The following CBLB variants were observed in gnomAD, a reference collection of about 807,000 sequenced individuals.
CBLB encodes the protein Cbl proto-oncogene B, also known as E3 ubiquitin-protein ligase CBL-B.
A neutral mutation model predicts 104.9 loss-of-function variants in CBLB; 31 were observed. The ratio of observed to expected loss-of-function variants is 0.30; its 90% CI spans 0.22 to 0.40. The LOEUF is 0.40. CBLB is among the 10% of genes least tolerant of loss of function. The pLI, the probability that CBLB is intolerant of heterozygous loss-of-function variation, is 1.00. For missense variants in CBLB, 1,062 were observed against 1,214.6 expected (o/e 0.87, Z 1.87); for synonymous variants, 440 against 422.6 (o/e 1.04, Z -0.51).
intron 18 of CBLB, among the ~76,000 whole-genome samples, chr3:105,668,057 T>C (rs1576170293): frequency 6.6e-6 from 1 of 152,186 alleles, no homozygotes. Context: ...CAAACATATG[T>C]TGGAAAAAAG....
intron 9 of CBLB, among the ~76,000 whole-genome samples, chr3:105,729,524 A>G (rs1262613777): frequency 6.6e-6 from 1 of 152,120 alleles, no homozygotes; most frequent in African/African-American, 2.4e-5. Context: ...TCTTTAAGGT[A>G]CCATTTTTGA....
chr3:105,754,157 G>C (rs969702516), intron 4 of CBLB, among the ~76,000 whole-genome samples: 25 of 151,964 alleles, frequency 1.6e-4, no homozygotes, highest in African/African-American at 6.0e-4. Flanking sequence ...GAGGTAGGGG[G>C]AAGGGGATTT....
chr3:105,805,675 T>C (rs147715636), intron 3 of CBLB, among the ~76,000 whole-genome samples: 4 of 152,280 alleles, frequency 2.6e-5, no homozygotes, highest in Non-Finnish European at 5.9e-5. Flanking sequence ...ACCCTTTACA[T>C]GTCTTACGGC....
chr3:105,741,094 G>GTTTTT (rs1560039049), intron 6 of CBLB, among the ~76,000 whole-genome samples: 1 of 53,560 alleles, frequency 1.9e-5, no homozygotes, highest in African/African-American at 6.4e-5. Flanking sequence ...TAAAAATTAG[G>GTTTTT]GTTTTTTTTT....
intron 10 of CBLB, among the ~76,000 whole-genome samples, chr3:105,713,641 C>A (rs991825593): frequency 5.3e-5 from 8 of 152,192 alleles, no homozygotes; most frequent in Non-Finnish European, 1.2e-4. Flanking sequence ...TTGGATGATG[C>A]AGTTGTTTCT....
chr3:105,770,564 T>C lies in CBLB; in HGVS notation c.566+5832A>G, dbSNP rs188746628. Among the ~76,000 whole-genome samples, 176 of 152,190 alleles carry C rather than the reference T, an allele frequency of 1.2e-3. 1 individual carries two copies. Among genetic ancestry groups the C allele is most frequent in the African/African-American group, 3.9e-3 (161 of 41,534 alleles). On this transcript the variant is annotated intron_variant, in intron 4 of 18. Coordinates refer to ENST00000394030, the MANE Select transcript of CBLB (RefSeq NM_170662.5). ...AGAACCTCCCAACTGAATTTTGTAA[T>C]ATAATCTCGAGTGGAACAAATTCCC...
In CBLB at chr3:105,776,477, G is replaced by A. The variant is rs373239378; in HGVS notation, c.485C>T (p.Pro162Leu). 6.2e-7 allele frequency: 1 copy of A among 1,613,736 alleles called. No homozygotes were observed. Among genetic ancestry groups the A allele is most frequent in the Admixed American group, 1.7e-5 (1 of 60,014 alleles). The change falls in exon 4 of 19, where the codon CCC becomes CTC. Residue 162 changes from proline to leucine, a missense_variant. Coordinates refer to ENST00000394030, the MANE Select transcript of CBLB (RefSeq NM_170662.5). ...GTTATCTCCCTGGAATTGACCATTG[G>A]GAAAGATTGCTTTGATTTCTGCCAG... ...HMLAEIKAIF[P>L]NGQFQGDNFR...
At chr3:105,746,298 TCTC>T in intron 5 of CBLB, among the ~76,000 whole-genome samples, 1 of 152,276 alleles carries the variant, frequency 6.6e-6, no homozygotes, top group East Asian at 1.9e-4. Context: ...CAAAATCTCT[TCTC>T]TACACAGCCT....
chr3:105,811,465 G>C (rs1381374391), intron 3 of CBLB, among the ~76,000 whole-genome samples: 1 of 152,126 alleles, frequency 6.6e-6, no homozygotes, highest in African/African-American at 2.4e-5. Flanking sequence ...TCTTAAAAAT[G>C]ACTGGCCTAC....
chr3:105,820,711 T>C (rs914221391), intron 3 of CBLB, among the ~76,000 whole-genome samples: 1 of 152,040 alleles, frequency 6.6e-6, no homozygotes, highest in Non-Finnish European at 1.5e-5. Context: ...AGAAAGAAAT[T>C]CTTCAGAATT....
At chr3:105,733,948 C>T (rs2074622430) in intron 9 of CBLB, 61 bp downstream of exon 9, 2 of 1,516,668 alleles carry the variant, frequency 1.3e-6, no homozygotes, top group Non-Finnish European at 1.8e-6. Context: ...ATTAAGAAAA[C>T]TGAAAAGAGA....
At chr3:105,825,728 G>C (rs2153067231) in intron 3 of CBLB, among the ~76,000 whole-genome samples, 1 of 152,288 alleles carries the variant, frequency 6.6e-6, no homozygotes, top group East Asian at 1.9e-4. Flanking sequence ...GGTACAAAGT[G>C]CTTTGCCATT....
At chr3:105,801,002 C>T (rs2082796422) in intron 3 of CBLB, among the ~76,000 whole-genome samples, 1 of 151,076 alleles carries the variant, frequency 6.6e-6, no homozygotes, top group Non-Finnish European at 1.5e-5. Context: ...TCTCAGCATG[C>T]TTTAAAAAAA....
chr3:105,751,766 G>A (rs2076612771), intron 4 of CBLB, 148 bp from the exon 5 acceptor site: 1 of 722,300 alleles, frequency 1.4e-6, no homozygotes, highest in East Asian at 2.7e-5. Flanking sequence ...TCATATTTCA[G>A]AACAAATGTA....
chr3:105,693,670 GA>G, intron 12 of CBLB, 82 bp from the exon 13 acceptor site: 1 of 873,824 alleles, frequency 1.1e-6, no homozygotes, highest in Non-Finnish European at 1.9e-6. Context: ...CCATTCTGAA[GA>G]CAATATGTAA....
chr3:105,821,570 A>G (rs1284222398), intron 3 of CBLB, among the ~76,000 whole-genome samples: 1 of 152,172 alleles, frequency 6.6e-6, no homozygotes, highest in Non-Finnish European at 1.5e-5. Context: ...AAAGAACCTG[A>G]TTACAAAGGT....
At chr3:105,709,841 T>C (rs2070794969) in intron 10 of CBLB, among the ~76,000 whole-genome samples, 1 of 151,906 alleles carries the variant, frequency 6.6e-6, no homozygotes, top group African/African-American at 2.4e-5. Flanking sequence ...GTAAAACCAA[T>C]TTATTCTCTC....
chr3:105,743,090 C>T (rs2075767769), intron 6 of CBLB, among the ~76,000 whole-genome samples: 1 of 152,150 alleles, frequency 6.6e-6, no homozygotes, highest in African/African-American at 2.4e-5. Flanking sequence ...TGGCTGGTGG[C>T]TACCCCTTCC....
intron 14 of CBLB, among the ~76,000 whole-genome samples, chr3:105,684,221 A>C (rs911888675): frequency 3.3e-5 from 5 of 152,214 alleles, no homozygotes; most frequent in African/African-American, 1.2e-4. Context: ...CTTGAGCCCT[A>C]TTCTATGTGC....
Sources: gnomAD v4.1 joint callset for allele counts (sites outside exome capture counted in the v4.1 genomes callset) on GRCh38, gnomAD v4.1.1 for gene constraint, MANE v1.5 for transcripts, NCBI Gene and HGNC (gene_info 2026-07-23, HGNC 2026-07-21) for gene names.